The following CLOCK variants were observed in gnomAD, a reference collection of about 807,000 sequenced individuals.
CLOCK encodes the protein circadian locomoter output cycles protein kaput.
Under a neutral mutation model 118.4 loss-of-function variants are expected in CLOCK, and 43 were observed. That is an observed-to-expected ratio of 0.36 (90% CI 0.28 to 0.47). The LOEUF (loss-of-function observed/expected upper bound fraction) is 0.47. Among genes scored for constraint, CLOCK ranks in the 20% least tolerant of loss-of-function variants. CLOCK has a pLI of 1.00. For synonymous variants in CLOCK, 326 were observed against 339.2 expected (o/e 0.96, Z 0.43); for missense variants, 846 against 999.9 (o/e 0.85, Z 2.08).
intron 2 of CLOCK, among the ~76,000 whole-genome samples, chr4:55,492,554 A>G (rs948457133): frequency 6.6e-6 from 1 of 152,192 alleles, no homozygotes; most frequent in Non-Finnish European, 1.5e-5. Flanking sequence ...ATTAAAAATA[A>G]TAAAGCTAGG....
chr4:55,504,002 A>AAAAAAAAAAAAAC, intron 2 of CLOCK, among the ~76,000 whole-genome samples: 1 of 148,508 alleles, frequency 6.7e-6, no homozygotes, highest in Non-Finnish European at 1.5e-5. Flanking sequence ...AAAAAAAAAA[A>AAAAAAAAAAAAAC]AGCCGGGCAC....
At chr4:55,502,522 T>C (rs750761190) in intron 2 of CLOCK, among the ~76,000 whole-genome samples, 2 of 152,164 alleles carry the variant, frequency 1.3e-5, no homozygotes, top group East Asian at 1.9e-4. Context: ...AAATGAACTA[T>C]GAGGCTTACA....
intron 21 of CLOCK, among the ~76,000 whole-genome samples, chr4:55,441,313 G>A (rs1723351456): frequency 6.6e-6 from 1 of 152,160 alleles, no homozygotes; most frequent in Non-Finnish European, 1.5e-5. Flanking sequence ...CACTGCTGGT[G>A]GGAACGTGAG....
chr4:55,435,471 G>C lies in CLOCK; in HGVS notation c.2485C>G (p.Leu829Val), dbSNP rs1213885514. 6.2e-7 allele frequency: 1 copy of C among 1,613,940 alleles called. No homozygotes were observed. Among genetic ancestry groups the C allele is most frequent in the African/African-American group, 1.3e-5 (1 of 74,910 alleles). ...AAGCTGTCAGTCCTGTGCCGGCTGA[G>C]TTGCTGCTGTTGCTGAGACTGATGT... ...QQHQSQQQQQ[L>V]SRHRTDSLPD... The change falls in exon 23 of 23, where the codon CTC becomes GTC. Residue 829 changes from leucine to valine, a missense_variant. Leu to Val is a conservative substitution (Grantham distance 32). Coordinates refer to ENST00000513440, the MANE Select transcript of CLOCK (RefSeq NM_004898.4).
chr4:55,541,672 A>G lies in CLOCK; in HGVS notation c.-290+5110T>C, dbSNP rs185008857. ...CTGGCTGACATATTTGATGGTAGAC[A>G]ACAGTTAACTGATAGGATTTAATTT... On this transcript the variant is annotated intron_variant, in intron 1 of 22. Coordinates refer to ENST00000513440, the MANE Select transcript of CLOCK (RefSeq NM_004898.4). Among the ~76,000 whole-genome samples the G allele has an allele frequency of 4.0e-3, 615 of 152,316 alleles. 17 individuals carry two copies. Among genetic ancestry groups the G allele is most frequent in the Middle Eastern group, 3.4e-3 (1 of 292 alleles).
At chr4:55,530,223 C>T (rs1012922832) in intron 1 of CLOCK, among the ~76,000 whole-genome samples, 5 of 152,058 alleles carry the variant, frequency 3.3e-5, no homozygotes, top group Non-Finnish European at 2.9e-5. Flanking sequence ...AGATAAGATA[C>T]TAAAGCTTAT....
chr4:55,520,481 A>T (rs1729789278), intron 1 of CLOCK, among the ~76,000 whole-genome samples: 1 of 152,238 alleles, frequency 6.6e-6, no homozygotes, highest in Admixed American at 6.5e-5. Flanking sequence ...CTGCTTTTGT[A>T]GTATGAACTA....
intron 19 of CLOCK, among the ~76,000 whole-genome samples, chr4:55,444,249 C>T (rs566072276): frequency 6.6e-6 from 1 of 152,098 alleles, no homozygotes; most frequent in African/African-American, 2.4e-5. Context: ...GCTGGTTGGT[C>T]ATATAAGACT....
At chr4:55,452,809 C>G in intron 15 of CLOCK, 1 of 363,030 alleles carries the variant, frequency 2.8e-6, no homozygotes, top group East Asian at 5.2e-5. Context: ...TAGCCAGAGA[C>G]TAGTACATCA....
At chr4:55,544,942 C>A (rs1731507591) in intron 1 of CLOCK, among the ~76,000 whole-genome samples, 2 of 152,180 alleles carry the variant, frequency 1.3e-5, no homozygotes, top group South Asian at 4.1e-4. Context: ...CACTTCATAG[C>A]AAATTTTTGC....
At chr4:55,476,878 T>C (rs1230735698) in intron 6 of CLOCK, among the ~76,000 whole-genome samples, 4 of 152,172 alleles carry the variant, frequency 2.6e-5, no homozygotes, top group Non-Finnish European at 5.9e-5. Context: ...TTCTACAAAA[T>C]ATACTCTAAT....
intron 1 of CLOCK, among the ~76,000 whole-genome samples, chr4:55,531,155 A>C (rs1484903446): frequency 6.6e-6 from 1 of 152,162 alleles, no homozygotes; most frequent in Non-Finnish European, 1.5e-5. Flanking sequence ...ATTTCGAAAA[A>C]ATGATGAAGT....
chr4:55,463,852 G>C, intron 8 of CLOCK, 47 bp from the exon 9 acceptor site: 2 of 1,561,580 alleles, frequency 1.3e-6, no homozygotes, highest in Non-Finnish European at 8.7e-7. Context: ...TGATTCAAGA[G>C]ACAATTGCTT....
At chr4:55,439,265 T>C (rs1723149565) in intron 21 of CLOCK, among the ~76,000 whole-genome samples, 1 of 152,056 alleles carries the variant, frequency 6.6e-6, no homozygotes, top group African/African-American at 2.4e-5. Flanking sequence ...GAAAAGGTGC[T>C]CCACATCACT....
At chr4:55,446,836 C>T (rs1474316253) in intron 18 of CLOCK, among the ~76,000 whole-genome samples, 1 of 152,140 alleles carries the variant, frequency 6.6e-6, no homozygotes, top group Non-Finnish European at 1.5e-5. Flanking sequence ...TAGCCTCTTA[C>T]AGTGAACTGT....
rs1025708977 is a variant in CLOCK at position 55,430,634 on chromosome 4, G to A, written c.*4781C>T. On this transcript the variant is annotated 3_prime_UTR_variant, in exon 23 of 23. Coordinates refer to ENST00000513440, the MANE Select transcript of CLOCK (RefSeq NM_004898.4). ...TCCTTTTTGTGCAAAAATATTACAAGAGCAATTCAAATGGAAATGCTGAAA... is the reference window on the plus strand; with the variant it reads ...TCCTTTTTGTGCAAAAATATTACAAAAGCAATTCAAATGGAAATGCTGAAA... The A allele has an allele frequency of 5.3e-5, 8 of 151,990 alleles. No individual in the cohort carries two copies. Among genetic ancestry groups the A allele is most frequent in the Admixed American group, 2.6e-4 (4 of 15,260 alleles). 9.4% of individuals were successfully genotyped at this position (151,990 alleles called of 1,614,324 possible).
chr4:55,442,062 T>G (rs762168631), intron 21 of CLOCK, among the ~76,000 whole-genome samples: 4 of 152,140 alleles, frequency 2.6e-5, no homozygotes, highest in Non-Finnish European at 5.9e-5. Context: ...TTAACAAACT[T>G]AAAAAAGGTA....
chr4:55,512,653 T>G (rs529707236), intron 1 of CLOCK, among the ~76,000 whole-genome samples: 2 of 152,334 alleles, frequency 1.3e-5, no homozygotes, highest in Admixed American at 6.5e-5. Flanking sequence ...CCCAGTCATC[T>G]AGATATTCTC....
rs1204905109 is a variant in CLOCK, at chr4:55,430,348, GTATTT to G, written c.*5062_*5066del. 6.6e-6 allele frequency: 1 copy of G among 152,100 alleles called. No homozygotes were observed. The highest frequency in any genetic ancestry group is 1.5e-5 in the Non-Finnish European group (1 of 68,016). 9.4% of individuals were successfully genotyped at this position (152,100 alleles called of 1,614,324 possible). On this transcript the variant is annotated 3_prime_UTR_variant, in exon 23 of 23. Transcript: ENST00000513440. ...AAACACTCACAACAAAACCTGCAGA[GTATTT>G]TATTTAAGAAAAACAAGGAATGTAG...
Sources: allele counts gnomAD v4.1 joint callset (sites outside exome capture counted in the v4.1 genomes callset), GRCh38; gene constraint gnomAD v4.1.1; transcripts MANE v1.5; gene names NCBI Gene and HGNC (gene_info 2026-07-23, HGNC 2026-07-21).